CTBP2: variants seen among roughly 807,000 people sequenced by gnomAD.
The protein encoded by CTBP2 is C-terminal binding protein 2, also known as C-terminal-binding protein 2.
Under a neutral mutation model 80.3 loss-of-function variants are expected in CTBP2, and 30 were observed. The ratio of observed to expected loss-of-function variants is 0.37; its 90% CI spans 0.28 to 0.51. The LOEUF is 0.51. Among genes scored for constraint, CTBP2 ranks in the 20% least tolerant of loss-of-function variants. The pLI, the probability that CTBP2 is intolerant of heterozygous loss-of-function variation, is 0.93. For missense variants in CTBP2, 1,212 were observed against 1,375.3 expected, an observed-to-expected ratio of 0.88 and a Z score of 1.88; for synonymous variants, 594 against 587.4, an observed-to-expected ratio of 1.01 and a Z score of -0.16.
chr10:125,096,188 A>G (rs1331310316), intron 2 of CTBP2, among the ~76,000 whole-genome samples: 2 of 152,236 alleles, frequency 1.3e-5, no homozygotes, highest in Non-Finnish European at 2.9e-5. Flanking sequence ...TCTGGCAACA[A>G]AATCCGAGTA....
chr10:125,031,358 G>A (rs1380236539), upstream of CTBP2, among the ~76,000 whole-genome samples: 2 of 151,620 alleles, frequency 1.3e-5, no homozygotes, highest in Non-Finnish European at 2.9e-5. Flanking sequence ...GCGTGGTGGC[G>A]GGTGCCTGTA....
chr10:125,035,189 C>T (rs999196301), intron 3 of CTBP2, among the ~76,000 whole-genome samples: 1 of 152,210 alleles, frequency 6.6e-6, no homozygotes, highest in African/African-American at 2.4e-5. Context: ...ATGAGATTCC[C>T]AGACTTTCTA....
At chr10:125,083,939 C>T (rs1847578620) in intron 2 of CTBP2, among the ~76,000 whole-genome samples, 1 of 152,178 alleles carries the variant, frequency 6.6e-6, no homozygotes, top group Non-Finnish European at 1.5e-5. Context: ...GCCACCACGC[C>T]CAGCTGATTT....
intron 2 of CTBP2, among the ~76,000 whole-genome samples, chr10:125,050,796 G>A (rs751950021): frequency 6.6e-6 from 1 of 152,198 alleles, no homozygotes; most frequent in Non-Finnish European, 1.5e-5. Context: ...CCAGGCTATA[G>A]CTAAAATATA....
chr10:124,984,776 A>C lies in CTBP2; in HGVS notation c.*4742T>G, dbSNP rs1305858486. 6.2e-7 allele frequency: 1 copy of C among 1,612,756 alleles called. No individual in the cohort carries two copies. The highest frequency in any genetic ancestry group is 1.1e-5 in the South Asian group (1 of 91,024). On this transcript the variant is annotated 3_prime_UTR_variant, in exon 9 of 9. Coordinates refer to ENST00000309035, the MANE Select transcript of CTBP2 (RefSeq NM_022802.3). The stretch of plus-strand genomic sequence containing the variant: ...TTGTCTTCATATTCCTCCAAAAGCT[A>C]GGTAATGAGGAACAGCAAGAAAAAC...
Position 124,994,540 on chromosome 10 carries a change from C to T in CTBP2, c.2329G>A (p.Asp777Asn), listed in dbSNP as rs781768901. The T allele has an allele frequency of 3.1e-6, 5 of 1,613,906 alleles. No homozygotes were observed. The highest frequency in any genetic ancestry group is 1.7e-5 in the Admixed American group (1 of 60,002). The change falls in exon 5 of 9, where the codon GAC (aspartate) becomes AAC (asparagine). Residue 777 changes from aspartate to asparagine, a missense_variant. This residue lies in a region of CTBP2 where 335 missense variants were observed against 504.7 expected (regional missense o/e 0.66). Coordinates refer to ENST00000309035, the MANE Select transcript of CTBP2 (RefSeq NM_022802.3). ...AGATTGCAGTGCAAGGAGACGCAGT[C>T]GCTCTGATACAGCAAATCCTGCAGG...
chr10:125,014,632 A>C (rs1956287932), intron 1 of CTBP2, among the ~76,000 whole-genome samples: 2 of 152,240 alleles, frequency 1.3e-5, no homozygotes, highest in Admixed American at 1.3e-4. Flanking sequence ...TGTGCCTCAG[A>C]TGCCTGAGCC....
chr10:125,095,869 A>C (rs911584194), intron 2 of CTBP2, among the ~76,000 whole-genome samples: 2 of 152,168 alleles, frequency 1.3e-5, no homozygotes, highest in African/African-American at 4.8e-5. Context: ...CCCACTCAGG[A>C]TTCACTAAGC....
At chr10:125,103,670 T>A (rs1243631023) in intron 2 of CTBP2, among the ~76,000 whole-genome samples, 1 of 151,938 alleles carries the variant, frequency 6.6e-6, no homozygotes, top group East Asian at 1.9e-4. Context: ...GGAGCCAAGG[T>A]CTCCTAGGAC....
chr10:125,011,650 A>C lies in CTBP2; in HGVS notation c.1679-8158T>G, dbSNP rs899422371. ...CATCTGCAACCCTAGAAAGACAAGC[A>C]CGTGCAGTCACTTCAACGGGTTCCT... is the stretch of plus-strand genomic sequence containing the variant. On this transcript the variant is annotated intron_variant, in intron 1 of 8. Transcript: ENST00000309035. Among the ~76,000 whole-genome samples, 65 of 152,238 alleles carry C rather than the reference A, an allele frequency of 4.3e-4. 1 individual carries two copies. Among genetic ancestry groups the C allele is most frequent in the Non-Finnish European group, 8.8e-5 (6 of 68,038 alleles).
chr10:125,099,939 C>A (rs749557932), intron 2 of CTBP2, among the ~76,000 whole-genome samples: 2 of 152,182 alleles, frequency 1.3e-5, no homozygotes, highest in Admixed American at 6.5e-5. Flanking sequence ...CAGATTCAGT[C>A]CTAAGGCACC....
At chr10:125,044,355 T>G (rs2135083826) in intron 2 of CTBP2, among the ~76,000 whole-genome samples, 1 of 152,330 alleles carries the variant, frequency 6.6e-6, no homozygotes, top group African/African-American at 2.4e-5. Flanking sequence ...GCGGCACATC[T>G]GCAGATACGG....
At chr10:124,992,646 C>T (rs547141454) in intron 8 of CTBP2, 49 bp downstream of exon 10, 32 of 1,417,160 alleles carry the variant, frequency 2.3e-5, no homozygotes, top group East Asian at 1.2e-4. Context: ...TCCCTGGCCC[C>T]GGGGCCGTGG....
At chr10:125,110,018 G>T (rs1359583709) in intron 2 of CTBP2, among the ~76,000 whole-genome samples, 1 of 152,162 alleles carries the variant, frequency 6.6e-6, no homozygotes, top group Admixed American at 6.5e-5. Context: ...ATTCAGCTTG[G>T]CCCCCTCAGG....
chr10:125,022,475 C>T (rs1396208088), intron 1 of CTBP2, among the ~76,000 whole-genome samples: 1 of 151,794 alleles, frequency 6.6e-6, no homozygotes, highest in Non-Finnish European at 1.5e-5. Flanking sequence ...GGAAGAACAG[C>T]AGGGGTACAG....
chr10:125,087,232 C>A lies in CTBP2; in HGVS notation c.-102+23758G>T, dbSNP rs146586141. ...TGGGATTATAGCCTGCCACCATGCCCGGTTAATTTTTGTATTTTTAGTAGA... is the reference window on the plus strand; with the variant it reads ...TGGGATTATAGCCTGCCACCATGCCAGGTTAATTTTTGTATTTTTAGTAGA... On this transcript the variant is annotated intron_variant, in intron 2 of 10. Coordinates refer to the CTBP2 transcript ENST00000337195. Among the ~76,000 whole-genome samples the A allele has an allele frequency of 2.0e-4, 30 of 151,928 alleles. No individual in the cohort carries two copies. In the East Asian group the frequency reaches 5.4e-3, roughly 27 times the overall value.
At chr10:125,061,753 G>C (rs558404024) in intron 2 of CTBP2, among the ~76,000 whole-genome samples, 3 of 152,108 alleles carry the variant, frequency 2.0e-5, no homozygotes, top group African/African-American at 7.2e-5. Flanking sequence ...GATGCACCTC[G>C]GTGAGGTGCC....
At chr10:125,028,405 C>G (rs939528226), upstream of CTBP2, among the ~76,000 whole-genome samples, 3 of 152,178 alleles carry the variant, frequency 2.0e-5, no homozygotes, top group Non-Finnish European at 4.4e-5. Context: ...ATCCATGGCA[C>G]AGCTAAACAC....
At chr10:125,136,442 TC>T (rs1856987164) in intron 1 of CTBP2, among the ~76,000 whole-genome samples, 1 of 152,162 alleles carries the variant, frequency 6.6e-6, no homozygotes, top group African/African-American at 2.4e-5. Flanking sequence ...AGGCCACCAC[TC>T]CAGAAAAGCA....
Sources: gnomAD v4.1 joint callset for allele counts (sites outside exome capture counted in the v4.1 genomes callset) on GRCh38, gnomAD v4.1.1 for gene constraint, gnomAD v4.1.1 regional missense constraint, MANE v1.5 for transcripts, NCBI Gene and HGNC (gene_info 2026-07-23, HGNC 2026-07-21) for gene names.